Variants in RAB25 observed in about 807,000 individuals in gnomAD.
RAB25 encodes ras-related protein Rab-25.
In RAB25, 23 loss-of-function variants were observed where a neutral mutation model predicts 25.2. The observed-to-expected ratio is 0.91, with a 90% CI of 0.66 to 1.29. RAB25 has a LOEUF of 1.29. Ranked by LOEUF, RAB25 falls within the 50% of genes most tolerant of loss-of-function variation. The pLI is 0.00. For missense variants in RAB25, 244 were observed against 277.3 expected (o/e 0.88, Z 0.85); for synonymous variants, 102 against 111.5 (o/e 0.91, Z 0.54).
chr1:156,070,024 C>T, intron 4 of RAB25, 136 bp from the exon 5 acceptor site: 2 of 1,372,026 alleles, frequency 1.5e-6, no homozygotes, highest in Non-Finnish European at 2.1e-6. Flanking sequence ...CACTTCATTT[C>T]CTTCCTGCAA....
Position 156,061,388 on chromosome 1 carries a change from A to T in RAB25, c.-13A>T. 6.2e-7 allele frequency: 1 copy of T among 1,614,010 alleles called. No homozygotes were observed. The highest frequency in any genetic ancestry group is 8.5e-7 in the Non-Finnish European group (1 of 1,179,894). ...GTCCCCGAAGACACCTGCACCCTCC[A>T]TGCGGAGCCAAGATGGGGAATGGAA... On this transcript the variant is annotated 5_prime_UTR_variant, in exon 1 of 5. The change abolishes an upstream ATG in the 5' untranslated region. Coordinates refer to ENST00000361084, the MANE Select transcript of RAB25 (RefSeq NM_020387.4).
At chr1:156,062,659 A>G (rs1308742939) in intron 1 of RAB25, among the ~76,000 whole-genome samples, 1 of 152,174 alleles carries the variant, frequency 6.6e-6, no homozygotes, top group Non-Finnish European at 1.5e-5. Flanking sequence ...CATTAATACC[A>G]TAACAATCCC....
chr1:156,069,885 T>C, intron 4 of RAB25, 134 bp downstream of exon 4: 1 of 888,334 alleles, frequency 1.1e-6, no homozygotes, highest in Non-Finnish European at 1.8e-6. Context: ...CCACTGCCTG[T>C]CCCCCTCAGT....
At chr1:156,069,824 C>T (rs1172284680) in intron 4 of RAB25, 73 bp downstream of exon 4, 2 of 1,315,078 alleles carry the variant, frequency 1.5e-6, no homozygotes, top group East Asian at 4.6e-5. Context: ...GGAATGCAGA[C>T]ACTCAGCCCT....
chr1:156,068,343 C>T lies in RAB25; in HGVS notation c.313C>T (p.Arg105Ter), dbSNP rs889728001. 6 of 1,614,124 alleles carry T rather than the reference C, an allele frequency of 3.7e-6. No individual in the cohort carries two copies. The highest frequency in any genetic ancestry group is 5.1e-6 in the Non-Finnish European group (6 of 1,180,004). ...GCACCAGACCTATGCTGTGGTGGAG[C>T]GATGGCTGAAGGAGCTCTATGACCA... is the stretch of plus-strand genomic sequence containing the variant. ...TKHQTYAVVE[R>*]WLKELYDHAE... The change falls in exon 3 of 5, where the codon CGA (arginine) becomes TGA (stop). Residue 105 changes from arginine to a stop codon, truncating the protein, a stop_gained. Transcript: ENST00000361084. LOFTEE classifies it high-confidence loss of function.
Position 156,068,381 on chromosome 1 carries a change from G to T in RAB25, c.351G>T (p.Thr117=). The part of the protein sequence containing the change: ...LKELYDHAEA[T]IVVMLVGNKS... Reference sequence around the variant, plus strand: ...AGCTCTATGACCATGCTGAAGCCACGATCGTCGTCATGCTCGTGGGTAACA... The same window carrying T: ...AGCTCTATGACCATGCTGAAGCCACTATCGTCGTCATGCTCGTGGGTAACA... The change falls in exon 3 of 5, where the codon ACG becomes ACT. Residue 117 remains threonine (T), a synonymous_variant. Transcript: ENST00000361084. 6.2e-7 allele frequency: 1 copy of T among 1,614,120 alleles called. No individual in the cohort carries two copies. Among genetic ancestry groups the T allele is most frequent in the Middle Eastern group, 1.7e-4 (1 of 6,058 alleles).
intron 1 of RAB25, 94 bp downstream of exon 1, chr1:156,061,537 T>C: frequency 7.6e-7 from 1 of 1,316,190 alleles, no homozygotes; most frequent in Non-Finnish European, 1.1e-6. Flanking sequence ...TTTTTATCTC[T>C]TACCAAGACC....
rs747341860 is a variant in RAB25, at chr1:156,070,319, T to G, written c.*32T>G. ...CCAGCACCACCTGCCCCCACTGGCT[T>G]TTTGGTGCCCCTTGTCCCCACTTCA... On this transcript the variant is annotated 3_prime_UTR_variant, in exon 5 of 5. Coordinates refer to ENST00000361084, the MANE Select transcript of RAB25 (RefSeq NM_020387.4). 1 of 1,607,474 alleles carries G rather than the reference T, an allele frequency of 6.2e-7. No individual in the cohort carries two copies. Among genetic ancestry groups the G allele is most frequent in the East Asian group, 2.2e-5 (1 of 44,790 alleles).
intron 2 of RAB25, among the ~76,000 whole-genome samples, chr1:156,067,853 A>G (rs769387422): frequency 2.6e-5 from 4 of 152,216 alleles, no homozygotes; most frequent in Non-Finnish European, 5.9e-5. Flanking sequence ...CCCGAGTTCA[A>G]GCAATTCTCC....
Position 156,069,742 on chromosome 1 carries a change from G to T in RAB25, c.505G>T (p.Val169Phe). ...STNVELAFET[V>F]LKEIFAKVSK... The stretch of plus-strand genomic sequence containing the variant: ...CAATGTTGAGCTAGCCTTTGAGACT[G>T]TCCTGAAAGGTTAGAGCCTACCTTT... Residue 169 changes from valine (V) to phenylalanine (F), a missense_variant, in exon 4 of 5, where the codon GTC (valine) becomes TTC (phenylalanine). By Grantham distance (50) the Val-to-Phe change is conservative. Coordinates refer to ENST00000361084, the MANE Select transcript of RAB25 (RefSeq NM_020387.4). The T allele has an allele frequency of 1.9e-6, 3 of 1,610,314 alleles. No individual in the cohort carries two copies. Among genetic ancestry groups the T allele is most frequent in the Non-Finnish European group, 2.5e-6 (3 of 1,176,642 alleles).
intron 1 of RAB25, among the ~76,000 whole-genome samples, chr1:156,064,744 T>A (rs1427491575): frequency 6.6e-6 from 1 of 152,178 alleles, no homozygotes; most frequent in Non-Finnish European, 1.5e-5. Flanking sequence ...AGGAGGCCTT[T>A]ATAAGTTGTA....
chr1:156,070,038 C>G lies in RAB25; in HGVS notation c.515-122C>G. On this transcript the variant is annotated intron_variant, in intron 4 of 4. Transcript: ENST00000361084. Reference sequence around the variant, plus strand: ...ACACTTCATTTCCTTCCTGCAAAACCTCCTGCAAGTGTGGCCACCCCCCAT... The same window carrying G: ...ACACTTCATTTCCTTCCTGCAAAACGTCCTGCAAGTGTGGCCACCCCCCAT... The G allele has an allele frequency of 3.4e-6, 5 of 1,476,544 alleles. No individual in the cohort carries two copies. The South Asian group carries it at 4.7e-5, about 14-fold the overall frequency. 91.5% of individuals were successfully genotyped at this position (1,476,544 alleles called of 1,614,324 possible).
At chr1:156,065,647 G>T (rs1251739167) in intron 1 of RAB25, among the ~76,000 whole-genome samples, 1 of 152,148 alleles carries the variant, frequency 6.6e-6, no homozygotes, top group Non-Finnish European at 1.5e-5. Context: ...CCTCACCAGA[G>T]ATGCAGGCTG....
chr1:156,068,479 T>C lies in RAB25; in HGVS notation c.433+16T>C. On this transcript the variant is annotated intron_variant, in intron 3 of 4. Coordinates refer to ENST00000361084, the MANE Select transcript of RAB25 (RefSeq NM_020387.4). ...ATGTTCGCTGGTGAGAGCCTGCCAC[T>C]ACCCAGGCTGACTCCTCCAAGCTTA... 1 of 1,606,886 alleles carries C rather than the reference T, an allele frequency of 6.2e-7. No homozygotes were observed. Among genetic ancestry groups the C allele is most frequent in the Non-Finnish European group, 8.5e-7 (1 of 1,175,882 alleles).
At chr1:156,070,082 G>A in intron 4 of RAB25, 78 bp from the exon 5 acceptor site, 8 of 1,608,530 alleles carry the variant, frequency 5.0e-6, no homozygotes, top group Non-Finnish European at 5.1e-6. Context: ...GGGGCATGCA[G>A]TATGTATGGG....
At chr1:156,068,074 G>T (rs752130508) in intron 2 of RAB25, 196 bp from the exon 3 acceptor site, 2 of 502,232 alleles carry the variant, frequency 4.0e-6, no homozygotes, top group Non-Finnish European at 7.1e-6. Flanking sequence ...AACTTTACAG[G>T]CTCCAAGACT....
intron 3 of RAB25, 70 bp from the exon 4 acceptor site, chr1:156,069,601 C>G (rs1334501364): frequency 6.4e-6 from 8 of 1,246,276 alleles, no homozygotes; most frequent in Non-Finnish European, 9.4e-6. Context: ...ATGTATATAG[C>G]AAACATTAAT....
At position 156,066,089 on chromosome 1, in the gene RAB25, C is replaced by A; in HGVS notation, c.222C>A (p.Tyr74Ter). ...GGGACACAGCTGGCCTGGAGCGGTA[C>A]CGAGCCATCACCTCGGCGTGAGCCC... Reference protein sequence around the residue: ...QIWDTAGLERYRAITSAYYRG... With the variant: ...QIWDTAGLER The change falls in exon 2 of 5, where the codon TAC becomes TAA. Residue 74 changes from tyrosine (Y) to a stop codon, truncating the protein, a stop_gained. Coordinates refer to ENST00000361084, the MANE Select transcript of RAB25 (RefSeq NM_020387.4). LOFTEE classifies it high-confidence loss of function. 1 of 1,596,100 alleles carries A rather than the reference C, an allele frequency of 6.3e-7. No homozygotes were observed. Among genetic ancestry groups the A allele is most frequent in the Non-Finnish European group, 8.6e-7 (1 of 1,167,364 alleles).
intron 1 of RAB25, among the ~76,000 whole-genome samples, chr1:156,065,702 C>T (rs527631345): frequency 6.6e-6 from 1 of 152,326 alleles, no homozygotes; most frequent in East Asian, 1.9e-4. Context: ...ACCCGTCAAG[C>T]CCCTTTGTTT....
Sources: allele counts gnomAD v4.1 joint callset (sites outside exome capture counted in the v4.1 genomes callset), GRCh38; gene constraint gnomAD v4.1.1; transcripts MANE v1.5; gene names NCBI Gene and HGNC (gene_info 2026-07-23, HGNC 2026-07-21).